PC: variants seen among roughly 807,000 people sequenced by gnomAD.
The protein encoded by PC is pyruvate carboxylase, also known as pyruvate carboxylase, mitochondrial.
A neutral mutation model predicts 107.8 loss-of-function variants in PC; 46 were observed. The observed-to-expected ratio is 0.43, with a 90% CI of 0.34 to 0.55. The LOEUF is 0.55. Ranked by LOEUF, PC falls within the 20% of genes least tolerant of loss-of-function variation. The pLI is 0.04. For synonymous variants in PC, 662 were observed against 684.7 expected, an observed-to-expected ratio of 0.97 and a Z score of 0.52; for missense variants, 1,241 against 1,643.1, an observed-to-expected ratio of 0.76 and a Z score of 4.23.
At chr11:66,864,687 CGGGACA>C (rs1204205419) in intron 11 of PC, among the ~76,000 whole-genome samples, 1 of 152,172 alleles carries the variant, frequency 6.6e-6, no homozygotes, top group African/African-American at 2.4e-5. Context: ...AGCGGGGCAG[CGGGACA>C]GGGCCAGGGC....
Position 66,858,915 on chromosome 11 carries a change from G to T in PC, c.1368+4859C>A. ...CCGCCCCGGGCCCTCGGACATCGCC[G>T]CCTCCGCTCGCACTGCTGCCGAGGG... On this transcript the variant is annotated intron_variant, in intron 12 of 22. Coordinates refer to ENST00000393960, the MANE Select transcript of PC (RefSeq NM_001040716.2). This position sits in a 1 kb window ranked among gnomAD's most constrained non-coding sequence, Gnocchi z 5.9. 1 of 1,566,512 alleles carries T rather than the reference G, an allele frequency of 6.4e-7. No homozygotes were observed. The highest frequency in any genetic ancestry group is 8.7e-7 in the Non-Finnish European group (1 of 1,154,468).
At chr11:66,937,872 G>A (rs1237774291) in intron 3 of PC, among the ~76,000 whole-genome samples, 1 of 151,524 alleles carries the variant, frequency 6.6e-6, no homozygotes, top group Non-Finnish European at 1.5e-5. Flanking sequence ...CACCTCCCAG[G>A]TTCAAGCGAT....
rs535738400 is a variant in PC, at chr11:66,902,038, T to C, written c.1-29879A>G. On this transcript the variant is annotated intron_variant, in intron 3 of 22. Coordinates refer to ENST00000393960, the MANE Select transcript of PC (RefSeq NM_001040716.2). ...AAGCCTGGTTCTCTGGGCGAACTGA[T>C]TACCAAAGTACCCAGTCCATGAGCC... Among the ~76,000 whole-genome samples, 3 of 152,252 alleles carry C rather than the reference T, an allele frequency of 2.0e-5. No individual in the cohort carries two copies. In the East Asian group the frequency reaches 5.8e-4, roughly 29 times the overall value.
At chr11:66,882,924 AG>A (rs375771926) in intron 3 of PC, among the ~76,000 whole-genome samples, 5 of 152,140 alleles carry the variant, frequency 3.3e-5, no homozygotes, top group Admixed American at 2.0e-4. Context: ...ATTTCTGGGC[AG>A]GGGGGGCAGA....
At chr11:66,902,112 G>A (rs919227795) in intron 3 of PC, among the ~76,000 whole-genome samples, 2 of 152,204 alleles carry the variant, frequency 1.3e-5, no homozygotes, top group Non-Finnish European at 2.9e-5. Context: ...GTTCCTGGAA[G>A]AGGAAAGTAA....
chr11:66,860,903 T>C (rs1268127065), intron 12 of PC, among the ~76,000 whole-genome samples: 2 of 152,076 alleles, frequency 1.3e-5, no homozygotes, highest in African/African-American at 4.8e-5. Flanking sequence ...GGGCTGAGCG[T>C]ACAGTGAAAA....
At position 66,848,547 on chromosome 11, in the gene PC, T is replaced by G; in HGVS notation, c.*352A>C. ...GAGGGCAGGGGAAAGCCAGCTTTAT[T>G]GAGTAAACTTCCCAGGACCTGGGAC... On this transcript the variant is annotated 3_prime_UTR_variant, in exon 23 of 23. Transcript: ENST00000393960. The G allele has an allele frequency of 1.7e-6, 1 of 592,978 alleles. No individual in the cohort carries two copies. Among genetic ancestry groups the G allele is most frequent in the African/African-American group, 1.9e-5 (1 of 53,864 alleles). 36.7% of individuals were successfully genotyped at this position (592,978 alleles called of 1,614,324 possible).
At chr11:66,953,565 A>C (rs1381570755) in intron 2 of PC, among the ~76,000 whole-genome samples, 2 of 152,210 alleles carry the variant, frequency 1.3e-5, no homozygotes, top group African/African-American at 2.4e-5. Context: ...CAAAATGGAA[A>C]AACAGGCCAG....
chr11:66,949,870 T>C, intron 3 of PC, among the ~76,000 whole-genome samples: 1 of 152,170 alleles, frequency 6.6e-6, no homozygotes. Flanking sequence ...GAATAATCTT[T>C]GCATTACATA....
chr11:66,881,038 TAC>T (rs1947168608), intron 3 of PC, among the ~76,000 whole-genome samples: 1 of 152,218 alleles, frequency 6.6e-6, no homozygotes, highest in African/African-American at 2.4e-5. Flanking sequence ...CAGCTCAGGT[TAC>T]AGTTACACGC....
intron 3 of PC, among the ~76,000 whole-genome samples, chr11:66,931,862 A>T (rs1310195817): frequency 6.6e-6 from 1 of 151,996 alleles, no homozygotes; most frequent in African/African-American, 2.4e-5. Context: ...CTAAAAATAC[A>T]AAAAACATTA....
chr11:66,855,409 G>A (rs755903209), intron 12 of PC, among the ~76,000 whole-genome samples: 1 of 152,162 alleles, frequency 6.6e-6, no homozygotes, highest in African/African-American at 2.4e-5. Flanking sequence ...GTGGCTCCCT[G>A]GTTAATGCGA....
intron 3 of PC, among the ~76,000 whole-genome samples, chr11:66,935,410 T>C (rs1457159568): frequency 6.6e-6 from 1 of 152,188 alleles, no homozygotes; most frequent in Admixed American, 6.5e-5. Context: ...TGAAACAGCC[T>C]TGGGCAACAT....
Position 66,944,993 on chromosome 11 carries a change from G to A in PC, c.-1+7437C>T. ...TCTAACAAGAATTTGATGGCAATGG[G>A]CTCTCCAAAGATTGGTAGCTCTCCA... On this transcript the variant is annotated intron_variant, in intron 3 of 22. Coordinates refer to ENST00000393960, the MANE Select transcript of PC (RefSeq NM_001040716.2). Among the ~76,000 whole-genome samples, 2 of 117,652 alleles carry A rather than the reference G, an allele frequency of 1.7e-5. 1 individual carries two copies. Among genetic ancestry groups the A allele is most frequent in the Non-Finnish European group, 3.8e-5 (2 of 52,752 alleles). The allele number at this position is 117,652 out of a possible 152,430, so 77.2% of individuals were successfully genotyped here.
intron 12 of PC, chr11:66,860,229 G>C: frequency 6.5e-7 from 1 of 1,539,568 alleles, no homozygotes; most frequent in Admixed American, 2.0e-5. Context: ...TCCAAGGGAT[G>C]AGCCTCGTGG....
chr11:66,863,828 C>T lies in PC; in HGVS notation c.1314G>A (p.Thr438=), dbSNP rs199877852. ...GGGCCCTGCTCATCTTGGTGGCGGC[C>T]GTGGGGTGGTCTTTGCCGTGGGCAA... The part of the protein sequence containing the change: ...KVIAHGKDHP[T]AATKMSRALA... Residue 438 remains threonine, a synonymous_variant, in exon 12 of 23, where the codon ACG becomes ACA. Transcript: ENST00000393960. 1.9e-6 allele frequency: 3 copies of T among 1,613,756 alleles called. No homozygotes were observed. The highest frequency in any genetic ancestry group is 2.2e-5 in the East Asian group (1 of 44,872).
In PC at chr11:66,850,719, T is replaced by C. The variant is rs1471551313; in HGVS notation, c.2428A>G (p.Met810Val). Residue 810 changes from methionine to valine, a missense_variant, in exon 18 of 23, where the codon ATG becomes GTG. Met to Val is a conservative substitution (Grantham distance 21). This residue lies in a region of PC where 1,143 missense variants were observed against 1,551.9 expected (regional missense o/e 0.74). Transcript: ENST00000393960. ...SMSGMTSQPS[M>V]GALVACTRGT... ...CTGGTACAGGCCACCAGGGCCCCCATGCTGGGCTGTGAAGTCATCCCAGAC... is the reference window on the plus strand; with the variant it reads ...CTGGTACAGGCCACCAGGGCCCCCACGCTGGGCTGTGAAGTCATCCCAGAC... 6.2e-7 allele frequency: 1 copy of C among 1,611,438 alleles called. No individual in the cohort carries two copies. The highest frequency in any genetic ancestry group is 1.1e-5 in the South Asian group (1 of 91,080).
chr11:66,850,510 C>T (rs1389503543), intron 18 of PC, 46 bp from the exon 19 acceptor site: 1 of 1,612,904 alleles, frequency 6.2e-7, no homozygotes, highest in African/African-American at 1.3e-5. Flanking sequence ...ATGTGTGACT[C>T]TTCCAGGACC....
intron 3 of PC, among the ~76,000 whole-genome samples, chr11:66,873,508 A>T (rs1184936292): frequency 5.7e-4 from 1 of 1,756 alleles, no homozygotes; most frequent in South Asian, 0.062. Flanking sequence ...ATATAATATT[A>T]TATATTATAT....
Sources: gnomAD v4.1 joint callset for allele counts (sites outside exome capture counted in the v4.1 genomes callset) on GRCh38, gnomAD v4.1.1 for gene constraint, gnomAD v4.1.1 regional missense constraint, Gnocchi (gnomAD v3.1) non-coding constraint, MANE v1.5 for transcripts, NCBI Gene and HGNC (gene_info 2026-07-23, HGNC 2026-07-21) for gene names.